The following KDM4A variants were observed in gnomAD, a reference collection of about 807,000 sequenced individuals.
KDM4A encodes lysine demethylase 4A, also known as lysine-specific demethylase 4A.
KDM4A carries 23 observed loss-of-function variants against 127.1 expected under a neutral mutation model. The ratio of observed to expected loss-of-function variants is 0.18; its 90% CI spans 0.13 to 0.26. The LOEUF is 0.26. Among genes scored for constraint, KDM4A ranks in the 10% least tolerant of loss-of-function variants. The pLI is 1.00. For missense variants in KDM4A, 890 were observed against 1,329.1 expected (o/e 0.67, Z 5.14); for synonymous variants, 443 against 466.5 (o/e 0.95, Z 0.65).
chr1:43,675,056 A>G (rs1045947421), intron 11 of KDM4A, among the ~76,000 whole-genome samples: 4 of 152,190 alleles, frequency 2.6e-5, no homozygotes, highest in South Asian at 4.1e-4. Context: ...CCTCTGCTCA[A>G]AAACCCTTGA....
rs758809004 is a variant in KDM4A, at chr1:43,660,302, T to C, written c.319T>C (p.Cys107Arg). The C allele has an allele frequency of 3.7e-6, 6 of 1,613,928 alleles. No homozygotes were observed. The highest frequency in any genetic ancestry group is 3.3e-5 in the Admixed American group (2 of 59,990). Reference protein sequence around the residue: ...FRKIANSDKYCTPRYSEFEEL... With the variant: ...FRKIANSDKYRTPRYSEFEEL... ...TTTCTTTTTACTTTCAAAAAGGTACTGTACCCCACGCTATAGTGAGTTTGA... is the reference window on the plus strand; with the variant it reads ...TTTCTTTTTACTTTCAAAAAGGTACCGTACCCCACGCTATAGTGAGTTTGA... The change falls in exon 4 of 22, where the codon TGT (cysteine) becomes CGT (arginine). Residue 107 changes from cysteine (C) to arginine (R), a missense_variant. By Grantham distance (180) the Cys-to-Arg change is radical. Around this residue, in one of 7 missense-constraint regions of KDM4A, gnomAD observed 41 missense variants for 40.8 expected, o/e 1.00. Coordinates refer to ENST00000372396, the MANE Select transcript of KDM4A (RefSeq NM_014663.3).
At chr1:43,664,954 G>A (rs1475259768) in intron 5 of KDM4A, among the ~76,000 whole-genome samples, 1 of 152,104 alleles carries the variant, frequency 6.6e-6, no homozygotes, top group Non-Finnish European at 1.5e-5. Flanking sequence ...TAATGAAGCT[G>A]TTTGCAGTGG....
intron 15 of KDM4A, 25 bp downstream of exon 15, chr1:43,691,597 T>C: frequency 6.3e-7 from 1 of 1,596,184 alleles, no homozygotes; most frequent in Non-Finnish European, 8.6e-7. Context: ...ACTGTTACTG[T>C]CTTCACCATG....
chr1:43,693,974 G>T lies in KDM4A; in HGVS notation c.2376-20G>T, dbSNP rs747248397. 7 of 1,609,276 alleles carry T rather than the reference G, an allele frequency of 4.3e-6. No homozygotes were observed. Among genetic ancestry groups the T allele is most frequent in the Non-Finnish European group, 5.1e-6 (6 of 1,175,762 alleles). On this transcript the variant is annotated intron_variant, in intron 16 of 21. Coordinates refer to ENST00000372396, the MANE Select transcript of KDM4A (RefSeq NM_014663.3). The surrounding 1 kb of genome is among the most constrained non-coding windows in gnomAD (Gnocchi z 4.2). ...GCCTTGGGCCCAGAGGTGACTGAGGGAGCCTTTGCCTTTTGGCAGGTGGGT... is the reference window on the plus strand; with the variant it reads ...GCCTTGGGCCCAGAGGTGACTGAGGTAGCCTTTGCCTTTTGGCAGGTGGGT...
intron 18 of KDM4A, 137 bp downstream of exon 18, chr1:43,695,031 G>C (rs780150336): frequency 1.3e-4 from 116 of 863,570 alleles, no homozygotes; most frequent in Non-Finnish European, 1.9e-4. Context: ...TTAAGAGATT[G>C]AGAGGTGGCC....
chr1:43,668,425 G>A (rs1338072599), intron 9 of KDM4A, among the ~76,000 whole-genome samples: 4 of 152,074 alleles, frequency 2.6e-5, no homozygotes, highest in Non-Finnish European at 4.4e-5. Context: ...GCGCCCGGCC[G>A]AGGCTGTTTC....
In KDM4A at chr1:43,657,064, C is replaced by T. The variant is rs139623163; in HGVS notation, c.314+1298C>T. Among the ~76,000 whole-genome samples the T allele has an allele frequency of 2.8e-3, 425 of 152,118 alleles. 4 individuals carry two copies. Among genetic ancestry groups the T allele is most frequent in the Non-Finnish European group, 4.3e-3 (294 of 67,998 alleles). On this transcript the variant is annotated intron_variant, in intron 3 of 21. Transcript: ENST00000372396. ...AGGTATAGATAGGCATGTGCTACCG[C>T]GCTCAGCTAATATTTTTTATTATTT...
intron 12 of KDM4A, among the ~76,000 whole-genome samples, chr1:43,685,101 G>A (rs1660941305): frequency 6.6e-6 from 1 of 152,150 alleles, no homozygotes; most frequent in African/African-American, 2.4e-5. Flanking sequence ...ATCTTGGGGA[G>A]GGGACCAAGG....
chr1:43,654,225 AC>A (rs1393990371), intron 2 of KDM4A, among the ~76,000 whole-genome samples: 1 of 152,220 alleles, frequency 6.6e-6, no homozygotes, highest in Non-Finnish European at 1.5e-5. Context: ...ATTTAAAGTT[AC>A]CAAAAAAATG....
At chr1:43,659,182 A>G (rs1373434457) in intron 3 of KDM4A, among the ~76,000 whole-genome samples, 1 of 152,028 alleles carries the variant, frequency 6.6e-6, no homozygotes, top group Non-Finnish European at 1.5e-5. Flanking sequence ...AGTCCTGGCT[A>G]CTCGGGAGGT....
At chr1:43,686,598 A>G (rs1199686692) in intron 12 of KDM4A, among the ~76,000 whole-genome samples, 1 of 152,038 alleles carries the variant, frequency 6.6e-6, no homozygotes, top group East Asian at 1.9e-4. Flanking sequence ...CAGCCTCCCA[A>G]AGTGCTGGGA....
Position 43,691,765 on chromosome 1 carries a change from ATGCTGTGTTTGCT to A in KDM4A, c.2319+194_2319+206del, listed in dbSNP as rs530695989. Among the ~76,000 whole-genome samples, 179 of 152,254 alleles carry A rather than the reference ATGCTGTGTTTGCT, an allele frequency of 1.2e-3. 1 individual carries two copies. The highest frequency in any genetic ancestry group is 2.3e-3 in the Admixed American group (35 of 15,298). On this transcript the variant is annotated intron_variant, in intron 15 of 21. Transcript: ENST00000372396. ...GTTGCTGCCCACTTACGGAGTCTGGATGCTGTGTTTGCTCCATTGTGGAAAGACCAACTAGTGG... is the reference window on the plus strand; with the variant it reads ...GTTGCTGCCCACTTACGGAGTCTGGACCATTGTGGAAAGACCAACTAGTGG...
chr1:43,671,601 A>G lies in KDM4A; in HGVS notation c.1460A>G (p.Asp487Gly). 2 of 1,612,896 alleles carry G rather than the reference A, an allele frequency of 1.2e-6. No homozygotes were observed. Among genetic ancestry groups the G allele is most frequent in the South Asian group, 2.2e-5 (2 of 90,846 alleles). Residue 487 changes from aspartate to glycine, a missense_variant, in exon 11 of 22, where the codon GAT becomes GGT. This residue lies in a region of KDM4A where 389 missense variants were observed against 485.9 expected (regional missense o/e 0.80). Coordinates refer to ENST00000372396, the MANE Select transcript of KDM4A (RefSeq NM_014663.3). The stretch of plus-strand genomic sequence containing the variant: ...GAAGAACAAGCAGCAGCTGCCTTGG[A>G]TCTTTCTGTGAATCCTGCGTCTGTA... ...EEEEQAAAAL[D>G]LSVNPASVGG...
At chr1:43,664,867 C>T (rs376211393) in intron 5 of KDM4A, among the ~76,000 whole-genome samples, 4 of 152,286 alleles carry the variant, frequency 2.6e-5, no homozygotes, top group East Asian at 1.9e-4. Flanking sequence ...CCAGAGCCTT[C>T]TGTATAGGGT....
chr1:43,663,650 G>A (rs568773923), intron 5 of KDM4A, among the ~76,000 whole-genome samples: 5 of 151,702 alleles, frequency 3.3e-5, no homozygotes, highest in African/African-American at 9.7e-5. Context: ...TTGAGACAGG[G>A]TCTCACTCTG....
At chr1:43,681,347 A>G (rs756413996) in intron 11 of KDM4A, among the ~76,000 whole-genome samples, 4 of 151,964 alleles carry the variant, frequency 2.6e-5, no homozygotes, top group Non-Finnish European at 4.4e-5. Flanking sequence ...GGCTTAGTCA[A>G]TTCATCATCC....
chr1:43,681,698 C>T (rs1020859065), intron 11 of KDM4A, among the ~76,000 whole-genome samples: 3 of 152,076 alleles, frequency 2.0e-5, no homozygotes, highest in African/African-American at 7.2e-5. Context: ...TCCAGGTGCC[C>T]CCAAAGTGAT....
Position 43,668,194 on chromosome 1 carries a change from C to T in KDM4A, c.1163+175C>T, listed in dbSNP as rs532780703. 4.6e-5 allele frequency among the ~76,000 whole-genome samples: 7 copies of T among 152,144 alleles called. No individual in the cohort carries two copies. The South Asian group carries it at 1.0e-3, about 23-fold the overall frequency. On this transcript the variant is annotated intron_variant, in intron 9 of 21. Transcript: ENST00000372396. The stretch of plus-strand genomic sequence containing the variant: ...AGGCTGGAGTGCAGTGGTGCGATCT[C>T]GGCTCACTGCAAGCCCCGCCTCCCG...
chr1:43,664,182 C>T (rs1025554618), intron 5 of KDM4A, among the ~76,000 whole-genome samples: 20 of 152,074 alleles, frequency 1.3e-4, no homozygotes, highest in African/African-American at 4.8e-4. Flanking sequence ...AGGACATAAC[C>T]GGGTGGAGTG....
Sources: allele counts gnomAD v4.1 joint callset (sites outside exome capture counted in the v4.1 genomes callset), GRCh38; gene constraint gnomAD v4.1.1; regional missense constraint gnomAD v4.1.1; non-coding constraint Gnocchi (gnomAD v3.1); transcripts MANE v1.5; gene names NCBI Gene and HGNC (gene_info 2026-07-23, HGNC 2026-07-21).